The following SNX24 variants were observed in gnomAD, a reference collection of about 807,000 sequenced individuals.
SNX24 encodes sorting nexin 24.
A neutral mutation model predicts 28.7 loss-of-function variants in SNX24; 22 were observed. The ratio of observed to expected loss-of-function variants is 0.77; its 90% confidence interval spans 0.55 to 1.10. The LOEUF is 1.10. Ranked by LOEUF, SNX24 falls within the 50% of genes least tolerant of loss-of-function variation. SNX24 has a pLI of 0.00. For missense variants in SNX24, 221 were observed against 201.1 expected (o/e 1.10, Z -0.60); for synonymous variants, 69 against 71.5 (o/e 0.96, Z 0.18).
At chr5:122,867,851 C>A (rs564593059) in intron 1 of SNX24, among the ~76,000 whole-genome samples, 1 of 152,162 alleles carries the variant, frequency 6.6e-6, no homozygotes, top group Non-Finnish European at 1.5e-5. Flanking sequence ...TCTTCCAAGT[C>A]GTATTCCTTC....
intron 2 of SNX24, 29 bp from the exon 3 acceptor site, chr5:122,946,021 TTTTTC>T: frequency 1.5e-4 from 186 of 1,222,174 alleles, no homozygotes; most frequent in Non-Finnish European, 2.0e-4. Context: ...TCTGTTTTTT[TTTTTC>T]TTTTTCTTTT....
At chr5:122,950,661 T>A (rs576546466) in intron 3 of SNX24, among the ~76,000 whole-genome samples, 1 of 152,126 alleles carries the variant, frequency 6.6e-6, no homozygotes, top group Non-Finnish European at 1.5e-5. Flanking sequence ...CTCATTGGCT[T>A]ATATTTGTGT....
At chr5:122,886,323 T>G (rs190067931) in intron 1 of SNX24, among the ~76,000 whole-genome samples, 1 of 152,334 alleles carries the variant, frequency 6.6e-6, no homozygotes, top group Admixed American at 6.5e-5. Flanking sequence ...ACTGGTACAT[T>G]TCTGTCATCT....
intron 1 of SNX24, among the ~76,000 whole-genome samples, chr5:122,926,716 A>G (rs796545855): frequency 2.6e-5 from 4 of 152,328 alleles, no homozygotes; most frequent in African/African-American, 9.6e-5. Flanking sequence ...ATGGTTTCCA[A>G]AACATTTAGG....
At chr5:122,925,165 C>T (rs1326159848) in intron 1 of SNX24, among the ~76,000 whole-genome samples, 6 of 112,608 alleles carry the variant, frequency 5.3e-5, no homozygotes, top group Non-Finnish European at 1.1e-4. Flanking sequence ...CATCCCCTCC[C>T]ATCCCCCTCC....
intron 3 of SNX24, among the ~76,000 whole-genome samples, chr5:122,993,297 CTTT>C (rs34422739): frequency 3.5e-5 from 4 of 114,176 alleles, no homozygotes; most frequent in Admixed American, 9.8e-5. Flanking sequence ...TAGTGGCTGC[CTTT>C]TTTTTTTTTT....
At chr5:122,861,610 C>T (rs902319227) in intron 1 of SNX24, among the ~76,000 whole-genome samples, 2 of 152,064 alleles carry the variant, frequency 1.3e-5, no homozygotes, top group Admixed American at 1.3e-4. Context: ...TTCCACAAAG[C>T]TAAAAGCCCT....
At chr5:122,929,248 C>T (rs1758844359) in intron 1 of SNX24, among the ~76,000 whole-genome samples, 1 of 152,150 alleles carries the variant, frequency 6.6e-6, no homozygotes, top group Non-Finnish European at 1.5e-5. Flanking sequence ...AGGGCTTTTG[C>T]ACATGCTCTG....
chr5:122,969,255 G>T (rs1317781774), intron 3 of SNX24, among the ~76,000 whole-genome samples: 2 of 152,032 alleles, frequency 1.3e-5, no homozygotes, highest in Non-Finnish European at 2.9e-5. Context: ...TTGCTTGTGG[G>T]GTGTAAGTGG....
chr5:122,887,512 T>A (rs1211705123), intron 1 of SNX24, among the ~76,000 whole-genome samples: 1 of 152,234 alleles, frequency 6.6e-6, no homozygotes, highest in Admixed American at 6.5e-5. Flanking sequence ...TTAGAACTAC[T>A]TTTAGATGTA....
At chr5:122,901,885 C>A (rs1757463351) in intron 1 of SNX24, among the ~76,000 whole-genome samples, 1 of 152,178 alleles carries the variant, frequency 6.6e-6, no homozygotes, top group African/African-American at 2.4e-5. Context: ...TGTGGTAGAA[C>A]ATCCTAATTT....
At chr5:122,910,833 G>A (rs986172416) in intron 1 of SNX24, among the ~76,000 whole-genome samples, 1 of 152,008 alleles carries the variant, frequency 6.6e-6, no homozygotes, top group African/African-American at 2.4e-5. Flanking sequence ...ATTCCATGGT[G>A]TATATGTGCC....
At chr5:123,000,144 C>T (rs1561719585) in intron 4 of SNX24, 138 bp downstream of exon 4, 5 of 648,288 alleles carry the variant, frequency 7.7e-6, no homozygotes, top group South Asian at 1.8e-5. Context: ...AGCACTCGCT[C>T]GCCCCCTGCT....
chr5:122,948,061 T>G (rs1358359650), intron 3 of SNX24, among the ~76,000 whole-genome samples: 4 of 152,224 alleles, frequency 2.6e-5, no homozygotes, highest in Admixed American at 6.5e-5. Context: ...TGCTTCCTGT[T>G]GTGCATTTAA....
intron 3 of SNX24, among the ~76,000 whole-genome samples, chr5:122,995,298 G>A (rs935027113): frequency 6.6e-6 from 1 of 152,114 alleles, no homozygotes; most frequent in Non-Finnish European, 1.5e-5. Context: ...CTCCTTAACA[G>A]AACAGTTAGT....
At chr5:122,976,085 G>C (rs1049352110) in intron 3 of SNX24, among the ~76,000 whole-genome samples, 2 of 152,090 alleles carry the variant, frequency 1.3e-5, no homozygotes, top group African/African-American at 4.8e-5. Flanking sequence ...TTTACAAAAT[G>C]CTCCATGGAA....
At position 123,008,954 on chromosome 5, in the gene SNX24, T is replaced by C. The variant is rs1028195616; in HGVS notation, c.*1205T>C. 3.0e-6 allele frequency: 3 copies of C among 985,530 alleles called. No individual in the cohort carries two copies. In the African/African-American group the frequency reaches 5.2e-5, roughly 17 times the overall value. The allele number at this position is 985,530 out of a possible 1,614,324, so 61.0% of individuals were successfully genotyped here. A position where few individuals can be genotyped will look rare whatever the true frequency, so the allele number is the denominator to read the frequency against. On this transcript the variant is annotated 3_prime_UTR_variant, in exon 7 of 7. Transcript: ENST00000261369. ...TGGTTATTCGTTTTAGTAAGTTCTG[T>C]GGGAGCAAGGTATTTAAAATCAAAA... is the stretch of plus-strand genomic sequence containing the variant.
rs13173549 is a variant in SNX24 at position 122,915,639 on chromosome 5, T to A, written c.61-21095T>A. The stretch of plus-strand genomic sequence containing the variant: ...AGACCCTGTCTGTTTAAAAAAAAAA[T>A]TTTTTTTTCATAGTGCACATCTGAT... On this transcript the variant is annotated intron_variant, in intron 1 of 6. Coordinates refer to ENST00000261369, the MANE Select transcript of SNX24 (RefSeq NM_014035.4). Among the ~76,000 whole-genome samples, 1,073 of 151,670 alleles carry A rather than the reference T, an allele frequency of 7.1e-3. 6 individuals carry two copies. The highest frequency in any genetic ancestry group is 0.012 in the Non-Finnish European group (784 of 67,852).
intron 3 of SNX24, among the ~76,000 whole-genome samples, chr5:122,969,162 G>T (rs1045954300): frequency 1.3e-5 from 2 of 152,040 alleles, no homozygotes; most frequent in Admixed American, 1.3e-4. Flanking sequence ...TTTATAACTT[G>T]TTTATAATTT....
Sources: allele counts gnomAD v4.1 joint callset (sites outside exome capture counted in the v4.1 genomes callset), GRCh38; gene constraint gnomAD v4.1.1; transcripts MANE v1.5; gene names NCBI Gene and HGNC (gene_info 2026-07-23, HGNC 2026-07-21).